The following CDH13 variants were observed in gnomAD, a reference collection of about 807,000 sequenced individuals.
CDH13 encodes cadherin 13.
A neutral mutation model predicts 63.8 loss-of-function variants in CDH13; 24 were observed. The ratio of observed to expected loss-of-function variants is 0.38; its 90% confidence interval spans 0.27 to 0.53. CDH13 has a LOEUF of 0.53. CDH13 is among the 20% of genes least tolerant of loss of function. The pLI is 0.85. For synonymous variants in CDH13, 503 were observed against 355.3 expected, an observed-to-expected ratio of 1.42 and a Z score of -4.67; for missense variants, 1,049 against 903.1, an observed-to-expected ratio of 1.16 and a Z score of -2.07.
chr16:83,681,835 G>C (rs566205868), intron 10 of CDH13, among the ~76,000 whole-genome samples: 1 of 152,166 alleles, frequency 6.6e-6, no homozygotes, highest in Non-Finnish European at 1.5e-5. Context: ...AATCATCTGC[G>C]CTGGGCTACC....
intron 3 of CDH13, among the ~76,000 whole-genome samples, chr16:83,070,422 A>G (rs1474072048): frequency 6.6e-6 from 1 of 152,218 alleles, no homozygotes; most frequent in East Asian, 1.9e-4. Context: ...CTTCTTAAAG[A>G]ATAAGTTAAG....
chr16:83,241,826 GTTTT>G, intron 5 of CDH13, among the ~76,000 whole-genome samples: 2 of 152,268 alleles, frequency 1.3e-5, no homozygotes, highest in Middle Eastern at 3.4e-3. Flanking sequence ...ATGAGCATAA[GTTTT>G]TAAGTTTGAT....
intron 1 of CDH13, chr16:82,719,411 T>C (rs1278377323): frequency 6.6e-6 from 3 of 455,870 alleles, no homozygotes; most frequent in Admixed American, 4.7e-5. Context: ...CCACTGGCTG[T>C]CCAATGGCTT....
intron 5 of CDH13, among the ~76,000 whole-genome samples, chr16:83,224,924 A>G (rs1597550670): frequency 6.6e-6 from 1 of 152,354 alleles, no homozygotes; most frequent in East Asian, 1.9e-4. Context: ...ATGGAGTTGA[A>G]AGCACTTGTG....
chr16:82,839,750 G>A (rs1029972331), intron 1 of CDH13, among the ~76,000 whole-genome samples: 2 of 152,212 alleles, frequency 1.3e-5, no homozygotes, highest in East Asian at 1.9e-4. Flanking sequence ...AGACTCTAGT[G>A]TAGTCCCCCA....
chr16:83,722,342 G>T (rs1315608132), intron 10 of CDH13, among the ~76,000 whole-genome samples: 1 of 152,164 alleles, frequency 6.6e-6, no homozygotes, highest in Non-Finnish European at 1.5e-5. Context: ...CCCACAAAGG[G>T]GATCCCTGTT....
intron 7 of CDH13, among the ~76,000 whole-genome samples, chr16:83,491,658 T>C (rs574563412): frequency 6.6e-6 from 1 of 151,990 alleles, no homozygotes; most frequent in Admixed American, 6.5e-5. Context: ...AAAGTATCAT[T>C]AGTCTTTTTA....
intron 4 of CDH13, among the ~76,000 whole-genome samples, chr16:83,183,948 C>A (rs879040456): frequency 6.6e-6 from 1 of 152,036 alleles, no homozygotes; most frequent in Non-Finnish European, 1.5e-5. Context: ...TCCCAAAATT[C>A]CAGAGCAAGA....
chr16:83,469,301 G>A (rs1024915765), intron 6 of CDH13, among the ~76,000 whole-genome samples: 2 of 152,298 alleles, frequency 1.3e-5, no homozygotes, highest in South Asian at 2.1e-4. Context: ...GATGGCCAGT[G>A]TTGCTGTTTC....
intron 2 of CDH13, among the ~76,000 whole-genome samples, chr16:82,895,550 A>G (rs1473625892): frequency 6.6e-6 from 1 of 152,198 alleles, no homozygotes; most frequent in African/African-American, 2.4e-5. Context: ...GCCATGCTTT[A>G]TATCAGGGTT....
intron 6 of CDH13, among the ~76,000 whole-genome samples, chr16:83,351,164 T>C (rs1026084817): frequency 5.9e-5 from 9 of 152,310 alleles, no homozygotes; most frequent in African/African-American, 1.7e-4. Flanking sequence ...TTTCAACCCA[T>C]TGACTGTTAA....
At chr16:82,662,358 C>G (rs1912050393) in intron 1 of CDH13, among the ~76,000 whole-genome samples, 2 of 152,232 alleles carry the variant, frequency 1.3e-5, no homozygotes, top group Admixed American at 6.5e-5. Flanking sequence ...TTATTTTCTT[C>G]ACATGTGTAT....
chr16:83,662,834 G>T (rs1456234469), intron 8 of CDH13, among the ~76,000 whole-genome samples: 5 of 152,192 alleles, frequency 3.3e-5, no homozygotes, highest in African/African-American at 1.2e-4. Flanking sequence ...GTGAAAATGA[G>T]GTTGTTGATG....
rs919455583 is a variant in CDH13 at position 82,762,693 on chromosome 16, G to T, written c.46-95669G>T. On this transcript the variant is annotated intron_variant, in intron 1 of 13. Transcript: ENST00000567109. ...CAGTGGGCGTACTGGACTTCCTGGA[G>T]GGGTTCCCTGGAATGCCTTGAGCAA... 3.3e-5 allele frequency among the ~76,000 whole-genome samples: 5 copies of T among 152,176 alleles called. No homozygotes were observed. The East Asian group carries it at 9.6e-4, about 29-fold the overall frequency.
At chr16:82,660,653 C>G (rs573980290) in intron 1 of CDH13, among the ~76,000 whole-genome samples, 1 of 152,228 alleles carries the variant, frequency 6.6e-6, no homozygotes, top group African/African-American at 2.4e-5. Context: ...TCACTGTATA[C>G]CTGGGACCAA....
Position 82,881,942 on chromosome 16 carries a change from G to A in CDH13, c.157+23469G>A, listed in dbSNP as rs191160399. On this transcript the variant is annotated intron_variant, in intron 2 of 13. Transcript: ENST00000567109. Reference sequence around the variant, plus strand: ...CAGTGCTTACTCTGCTGTTTAACCTGCAGTACTAATTCCTGTCTTTCAAGA... The same window carrying A: ...CAGTGCTTACTCTGCTGTTTAACCTACAGTACTAATTCCTGTCTTTCAAGA... 4.2e-3 allele frequency among the ~76,000 whole-genome samples: 633 copies of A among 152,208 alleles called. 6 individuals carry two copies. The highest frequency in any genetic ancestry group is 0.023 in the South Asian group (111 of 4,820).
At chr16:83,150,852 T>C (rs1259612125) in intron 4 of CDH13, among the ~76,000 whole-genome samples, 3 of 152,166 alleles carry the variant, frequency 2.0e-5, no homozygotes, top group Non-Finnish European at 4.4e-5. Context: ...GACTGGCCCT[T>C]CCCCTTAACC....
intron 2 of CDH13, among the ~76,000 whole-genome samples, chr16:82,888,743 T>C (rs892552616): frequency 2.0e-5 from 3 of 152,204 alleles, no homozygotes; most frequent in African/African-American, 7.2e-5. Flanking sequence ...ACTTGATCCA[T>C]TTAGCTGCCC....
At chr16:83,671,406 G>A (rs576149593) in intron 9 of CDH13, among the ~76,000 whole-genome samples, 6 of 151,974 alleles carry the variant, frequency 3.9e-5, no homozygotes, top group Non-Finnish European at 7.4e-5. Context: ...CTGCCACCAT[G>A]TCCGGCCAGT....
Sources: allele counts gnomAD v4.1 joint callset (sites outside exome capture counted in the v4.1 genomes callset), GRCh38; gene constraint gnomAD v4.1.1; transcripts MANE v1.5; gene names NCBI Gene and HGNC (gene_info 2026-07-23, HGNC 2026-07-21).